SGCD: variants seen among roughly 807,000 people sequenced by gnomAD.
SGCD encodes sarcoglycan delta.
In SGCD, 18 loss-of-function variants were observed where a neutral mutation model predicts 36.6. The ratio of observed to expected loss-of-function variants is 0.49; its 90% CI spans 0.34 to 0.73. The LOEUF (loss-of-function observed/expected upper bound fraction) is 0.73, where lower values mean the gene tolerates loss of function less well. Ranked by LOEUF, SGCD falls within the 30% of genes least tolerant of loss-of-function variation. The probability of loss-of-function intolerance (pLI) is 0.01; values close to 1 mark genes in which losing one functional copy is unlikely to be tolerated. For missense variants in SGCD, 387 were observed against 346.7 expected (o/e 1.12, Z -0.92); for synonymous variants, 133 against 130.6 (o/e 1.02, Z -0.12).
rs184197615 is a variant in SGCD at position 156,657,086 on chromosome 5, G to T, written c.575+9550G>T. On this transcript the variant is annotated intron_variant, in intron 7 of 8. Coordinates refer to ENST00000337851, the MANE Select transcript of SGCD (RefSeq NM_000337.6). Reference sequence around the variant, plus strand: ...TCTATAACCAACTAAATATTTATAGGCTTTCTGTGATTTATAAATTTAAAC... The same window carrying T: ...TCTATAACCAACTAAATATTTATAGTCTTTCTGTGATTTATAAATTTAAAC... Among the ~76,000 whole-genome samples the T allele has an allele frequency of 1.8e-3, 270 of 152,014 alleles. 1 individual carries two copies. The highest frequency in any genetic ancestry group is 6.1e-3 in the African/African-American group (254 of 41,480).
At chr5:155,895,700 AAC>A (rs1261089590) in intron 1 of SGCD, among the ~76,000 whole-genome samples, 2 of 151,962 alleles carry the variant, frequency 1.3e-5, no homozygotes, top group South Asian at 2.1e-4. Flanking sequence ...AAAAAAAAAA[AAC>A]ATGAAGAACA....
chr5:155,784,640 CT>C, the SGCD span, among the ~76,000 whole-genome samples: 37 of 134,548 alleles, frequency 2.7e-4, no homozygotes, highest in Middle Eastern at 7.9e-3. Context: ...GTAAGAGCTC[CT>C]TTTTTTTTTT....
intron 3 of SGCD, among the ~76,000 whole-genome samples, chr5:156,380,178 T>C (rs991903216): frequency 6.6e-6 from 1 of 152,154 alleles, no homozygotes; most frequent in Non-Finnish European, 1.5e-5. Flanking sequence ...TAGATTATTT[T>C]TCCAGGCTCT....
At chr5:156,606,468 G>A (rs1761460117) in intron 6 of SGCD, among the ~76,000 whole-genome samples, 2 of 152,216 alleles carry the variant, frequency 1.3e-5, no homozygotes, top group African/African-American at 4.8e-5. Context: ...ATAGTTTGAT[G>A]TCAGGTAGCA....
At chr5:156,710,659 G>A (rs1272377252) in intron 7 of SGCD, among the ~76,000 whole-genome samples, 3 of 152,152 alleles carry the variant, frequency 2.0e-5, no homozygotes, top group Admixed American at 1.3e-4. Flanking sequence ...ATTGGCAGTT[G>A]GTTAAAAGAG....
At chr5:156,569,992 AT>A (rs1157039462) in intron 4 of SGCD, among the ~76,000 whole-genome samples, 3 of 152,152 alleles carry the variant, frequency 2.0e-5, no homozygotes, top group Admixed American at 6.5e-5. Context: ...CCATTGAAGG[AT>A]TTTTTTCCCC....
At chr5:155,842,576 G>GA in the SGCD span, among the ~76,000 whole-genome samples, 303 of 143,782 alleles carry the variant, frequency 2.1e-3, 1 homozygote, top group African/African-American at 6.3e-3. Context: ...CATCTCAACG[G>GA]AAAAAAAAAA....
the SGCD span, among the ~76,000 whole-genome samples, chr5:155,775,972 C>T: frequency 6.6e-6 from 1 of 152,120 alleles, no homozygotes; most frequent in Non-Finnish European, 1.5e-5. Context: ...TTTTGGTTTC[C>T]AGTAACAGAA....
chr5:155,823,062 ATATCTATCTATC>A, the SGCD span, among the ~76,000 whole-genome samples: 2,777 of 145,246 alleles, frequency 0.019, 52 homozygotes, highest in African/African-American at 0.047. Flanking sequence ...CTATATCTCT[ATATCTATCTATC>A]TATCTATCTA....
intron 1 of SGCD, among the ~76,000 whole-genome samples, chr5:155,918,891 G>A (rs1295180362): frequency 6.6e-6 from 1 of 152,184 alleles, no homozygotes; most frequent in African/African-American, 2.4e-5. Flanking sequence ...GTGTATATGT[G>A]TATCTGCTTC....
At chr5:156,215,671 T>C (rs1764552168) in intron 3 of SGCD, among the ~76,000 whole-genome samples, 1 of 151,998 alleles carries the variant, frequency 6.6e-6, no homozygotes, top group East Asian at 1.9e-4. Flanking sequence ...ATCAAAATGA[T>C]GAAAGATGGC....
At chr5:156,045,689 C>T (rs1759747273) in intron 1 of SGCD, among the ~76,000 whole-genome samples, 1 of 152,184 alleles carries the variant, frequency 6.6e-6, no homozygotes, top group Non-Finnish European at 1.5e-5. Flanking sequence ...GCTGCCCTCT[C>T]ACTATGTCCT....
At chr5:156,239,472 A>G (rs1192791341) in intron 3 of SGCD, among the ~76,000 whole-genome samples, 1 of 151,930 alleles carries the variant, frequency 6.6e-6, no homozygotes, top group East Asian at 1.9e-4. Flanking sequence ...GTAGTGGAGG[A>G]AAAATACTTT....
At chr5:156,288,910 A>T (rs1484822181) in intron 3 of SGCD, among the ~76,000 whole-genome samples, 1 of 152,140 alleles carries the variant, frequency 6.6e-6, no homozygotes, top group African/African-American at 2.4e-5. Context: ...CCTGCAAAAA[A>T]TATAAAGTGC....
chr5:155,729,818 G>A, the SGCD span, among the ~76,000 whole-genome samples: 1 of 152,326 alleles, frequency 6.6e-6, no homozygotes. Context: ...CTCATTGTGT[G>A]CCCGATTGAG....
At chr5:156,586,608 G>A (rs1328771648) in intron 4 of SGCD, among the ~76,000 whole-genome samples, 1 of 152,114 alleles carries the variant, frequency 6.6e-6, no homozygotes, top group Non-Finnish European at 1.5e-5. Context: ...ATAGACTCAT[G>A]GATATTTATT....
chr5:156,233,162 A>G (rs556753812), intron 3 of SGCD, among the ~76,000 whole-genome samples: 5 of 152,358 alleles, frequency 3.3e-5, no homozygotes, highest in African/African-American at 1.2e-4. Context: ...GCTATGTAGA[A>G]AAATCCTACC....
intron 3 of SGCD, among the ~76,000 whole-genome samples, chr5:156,290,741 T>C (rs1253058236): frequency 6.6e-6 from 1 of 152,144 alleles, no homozygotes; most frequent in Non-Finnish European, 1.5e-5. Flanking sequence ...ATCCATATGA[T>C]TTACCCTCTC....
At chr5:156,381,385 T>C (rs1770965817) in intron 3 of SGCD, among the ~76,000 whole-genome samples, 1 of 152,190 alleles carries the variant, frequency 6.6e-6, no homozygotes, top group Non-Finnish European at 1.5e-5. Context: ...CATTTTTCAT[T>C]CTTGGCAAGG....
Sources: allele counts gnomAD v4.1 joint callset (sites outside exome capture counted in the v4.1 genomes callset), GRCh38; gene constraint gnomAD v4.1.1; transcripts MANE v1.5; gene names NCBI Gene and HGNC (gene_info 2026-07-23, HGNC 2026-07-21).